The following DLGAP2 variants were observed in gnomAD, a reference collection of about 807,000 sequenced individuals.
The protein encoded by DLGAP2 is DLG associated protein 2.
A neutral mutation model predicts 100.3 loss-of-function variants in DLGAP2; 26 were observed. That is an observed-to-expected ratio of 0.26 (90% CI 0.19 to 0.36). DLGAP2 has a LOEUF of 0.36. DLGAP2 is among the 10% of genes least tolerant of loss of function. The probability of loss-of-function intolerance (pLI) is 1.00; values close to 1 mark genes in which losing one functional copy is unlikely to be tolerated. For missense variants in DLGAP2, 1,858 were observed against 1,453.2 expected, an observed-to-expected ratio of 1.28 and a Z score of -4.53; for synonymous variants, 886 against 630.1, an observed-to-expected ratio of 1.41 and a Z score of -6.08.
chr8:1,280,868 A>C (rs1042137879), intron 3 of DLGAP2, among the ~76,000 whole-genome samples: 4 of 152,238 alleles, frequency 2.6e-5, no homozygotes, highest in African/African-American at 9.7e-5. Context: ...CTTCAGGTCT[A>C]TCCCTGAAAT....
At chr8:1,655,364 C>T (rs1056930418) in intron 8 of DLGAP2, among the ~76,000 whole-genome samples, 4 of 152,152 alleles carry the variant, frequency 2.6e-5, no homozygotes, top group Non-Finnish European at 5.9e-5. Context: ...GACTGTAATT[C>T]CTTTTATGCT....
At chr8:1,539,086 G>A (rs562401082) in intron 4 of DLGAP2, among the ~76,000 whole-genome samples, 57 of 152,042 alleles carry the variant, frequency 3.7e-4, no homozygotes, top group African/African-American at 1.3e-3. Flanking sequence ...GGGTTTCACC[G>A]TGTTGGCCAG....
intron 2 of DLGAP2, among the ~76,000 whole-genome samples, chr8:1,131,668 A>G (rs530291784): frequency 1.3e-5 from 2 of 151,060 alleles, no homozygotes; most frequent in African/African-American, 4.9e-5. Flanking sequence ...ACATTAGGTG[A>G]GATGTTTGCC....
intron 3 of DLGAP2, among the ~76,000 whole-genome samples, chr8:1,264,092 C>T (rs1047770441): frequency 6.6e-6 from 1 of 152,066 alleles, no homozygotes; most frequent in Non-Finnish European, 1.5e-5. Context: ...TGTCCCATGC[C>T]CACTAAGAAT....
intron 4 of DLGAP2, among the ~76,000 whole-genome samples, chr8:1,520,758 A>G (rs1563198917): frequency 6.6e-6 from 1 of 152,078 alleles, no homozygotes; most frequent in Non-Finnish European, 1.5e-5. Context: ...GTAACGGTTT[A>G]CTCACCTCCT....
At chr8:1,048,975 C>CG (rs1320192460) in intron 2 of DLGAP2, among the ~76,000 whole-genome samples, 3 of 152,182 alleles carry the variant, frequency 2.0e-5, no homozygotes, top group Non-Finnish European at 4.4e-5. Context: ...CACCAGCTTT[C>CG]GGTTTTCCAG....
At chr8:1,060,393 C>T (rs1803043474) in intron 2 of DLGAP2, among the ~76,000 whole-genome samples, 1 of 82,028 alleles carries the variant, frequency 1.2e-5, no homozygotes, top group South Asian at 5.2e-4. Flanking sequence ...CTCTGGAGGC[C>T]CTGAGGGCGT....
intron 3 of DLGAP2, among the ~76,000 whole-genome samples, chr8:1,494,855 C>G (rs973267103): frequency 6.6e-6 from 1 of 152,188 alleles, no homozygotes; most frequent in African/African-American, 2.4e-5. Flanking sequence ...TCACGGAGAT[C>G]TAACTCTTCT....
intron 3 of DLGAP2, among the ~76,000 whole-genome samples, chr8:1,376,852 A>G (rs1795952062): frequency 6.6e-6 from 1 of 152,180 alleles, no homozygotes; most frequent in African/African-American, 2.4e-5. Context: ...TTGGCCGTGA[A>G]AGCGAAATGT....
chr8:1,209,860 C>T (rs60716042), intron 2 of DLGAP2, among the ~76,000 whole-genome samples: 83,491 of 151,566 alleles, frequency 0.55, 25,207 homozygotes, highest in African/African-American at 0.81. Context: ...CCACTCAGAA[C>T]GCCCAGGCAT....
At chr8:835,397 G>C (rs958531431) in intron 1 of DLGAP2, among the ~76,000 whole-genome samples, 1 of 151,854 alleles carries the variant, frequency 6.6e-6, no homozygotes, top group South Asian at 2.1e-4. Flanking sequence ...AAATCAAAAC[G>C]TGACGACATC....
At chr8:1,316,453 A>C (rs371434112) in intron 3 of DLGAP2, among the ~76,000 whole-genome samples, 2,107 of 75,684 alleles carry the variant, frequency 0.028, 3 homozygotes, top group East Asian at 0.093. Flanking sequence ...ACACTCGAGA[A>C]ACTCGGCAGC....
chr8:1,537,696 T>G (rs1038425465), intron 4 of DLGAP2, among the ~76,000 whole-genome samples: 2 of 147,690 alleles, frequency 1.4e-5, no homozygotes, highest in South Asian at 4.3e-4. Context: ...GATGGAAGGA[T>G]AGATGGAAGG....
At chr8:1,222,983 C>G (rs1027527661) in intron 2 of DLGAP2, among the ~76,000 whole-genome samples, 2 of 152,158 alleles carry the variant, frequency 1.3e-5, no homozygotes, top group African/African-American at 4.8e-5. Context: ...GTGCCCATGG[C>G]TGAGCTCCAC....
At chr8:1,112,462 G>A (rs1401698464) in intron 2 of DLGAP2, among the ~76,000 whole-genome samples, 7 of 152,004 alleles carry the variant, frequency 4.6e-5, no homozygotes, top group Non-Finnish European at 8.8e-5. Context: ...GGATGGTCTC[G>A]ATCTCCTCAC....
intron 4 of DLGAP2, among the ~76,000 whole-genome samples, chr8:1,534,384 G>A (rs1775437701): frequency 6.6e-6 from 1 of 152,174 alleles, no homozygotes; most frequent in Non-Finnish European, 1.5e-5. Context: ...GTTTTCTAAT[G>A]TTACAATAAA....
chr8:1,057,940 C>T lies in DLGAP2; in HGVS notation c.73+149974C>T, dbSNP rs115073217. ...ATTTTACATTAGGACCCAGAGACAT[C>T]AAGCTGCATAAACAAGAAAACTTGT... On this transcript the variant is annotated intron_variant, in intron 2 of 14. Coordinates refer to ENST00000637795, the MANE Select transcript of DLGAP2 (RefSeq NM_001346810.2). 5.1e-4 allele frequency among the ~76,000 whole-genome samples: 77 copies of T among 152,314 alleles called. 1 individual carries two copies. Among genetic ancestry groups the T allele is most frequent in the African/African-American group, 1.7e-3 (69 of 41,572 alleles).
chr8:1,329,480 C>T (rs985948333), intron 3 of DLGAP2, among the ~76,000 whole-genome samples: 1 of 152,166 alleles, frequency 6.6e-6, no homozygotes, highest in African/African-American at 2.4e-5. Context: ...TCAAATCTAT[C>T]ATTTCTTCCC....
intron 4 of DLGAP2, among the ~76,000 whole-genome samples, chr8:1,520,125 G>A (rs1464218153): frequency 1.3e-5 from 2 of 152,136 alleles, no homozygotes; most frequent in Non-Finnish European, 2.9e-5. Context: ...AACATACCAT[G>A]GGCTATACAC....
Sources: gnomAD v4.1 joint callset for allele counts (sites outside exome capture counted in the v4.1 genomes callset) on GRCh38, gnomAD v4.1.1 for gene constraint, MANE v1.5 for transcripts, NCBI Gene and HGNC (gene_info 2026-07-23, HGNC 2026-07-21) for gene names.